The following ADAMTSL2 variants were observed in gnomAD, a reference collection of about 807,000 sequenced individuals.
The protein encoded by ADAMTSL2 is ADAMTS like 2, also known as ADAMTS-like protein 2.
A neutral mutation model predicts 117.0 loss-of-function variants in ADAMTSL2; 55 were observed. The ratio of observed to expected loss-of-function variants is 0.47; its 90% CI spans 0.38 to 0.59. The LOEUF (loss-of-function observed/expected upper bound fraction) is 0.59, where lower values mean the gene tolerates loss of function less well. Among genes scored for constraint, ADAMTSL2 ranks in the 20% least tolerant of loss-of-function variants. ADAMTSL2 has a pLI of 0.00. For missense variants in ADAMTSL2, 1,182 were observed against 1,354.5 expected, an observed-to-expected ratio of 0.87 and a Z score of 2.00; for synonymous variants, 572 against 566.4, an observed-to-expected ratio of 1.01 and a Z score of -0.14.
At chr9:133,544,213 T>A (rs1830294078) in intron 7 of ADAMTSL2, among the ~76,000 whole-genome samples, 1 of 152,072 alleles carries the variant, frequency 6.6e-6, no homozygotes, top group South Asian at 2.1e-4. Flanking sequence ...TCGCTGTCCC[T>A]CGGGAGGGGC....
chr9:133,569,825 GCCTGGGCCCCCAAGTC>G (rs1244279066), intron 16 of ADAMTSL2, among the ~76,000 whole-genome samples: 1 of 152,234 alleles, frequency 6.6e-6, no homozygotes, highest in East Asian at 1.9e-4. Flanking sequence ...ATTGCCCCCA[GCCTGGGCCCCCAAGTC>G]CCTGGGACGC....
intron 9 of ADAMTSL2, 82 bp downstream of exon 9, chr9:133,547,295 GC>G: frequency 7.1e-7 from 1 of 1,408,372 alleles, no homozygotes. Flanking sequence ...AGGTCTTCCA[GC>G]CCGTGACGCC....
At chr9:133,561,414 G>A in intron 12 of ADAMTSL2, 119 bp downstream of exon 12, 2 of 894,812 alleles carry the variant, frequency 2.2e-6, no homozygotes, top group Non-Finnish European at 3.6e-6. Context: ...CGGGGTGCTT[G>A]TCCGTGGCCT....
chr9:133,561,321 A>G (rs34271626), intron 12 of ADAMTSL2, 26 bp downstream of exon 12: 280,370 of 1,558,382 alleles, frequency 0.18, 27,260 homozygotes, highest in African/African-American at 0.27. Flanking sequence ...GCCAAGGGGC[A>G]GCAACTGCCC....
At chr9:133,547,320 T>TGC in intron 9 of ADAMTSL2, 107 bp downstream of exon 9, 1 of 1,156,348 alleles carries the variant, frequency 8.6e-7, no homozygotes, top group East Asian at 2.3e-5. Context: ...AGGGCCACTG[T>TGC]GCGCGTGCAC....
intron 16 of ADAMTSL2, among the ~76,000 whole-genome samples, chr9:133,569,825 G>A (rs1831062824): frequency 6.6e-6 from 1 of 152,234 alleles, no homozygotes; most frequent in South Asian, 2.1e-4. Context: ...ATTGCCCCCA[G>A]CCTGGGCCCC....
intron 17 of ADAMTSL2, among the ~76,000 whole-genome samples, chr9:133,572,842 T>C (rs1831142222): frequency 6.6e-6 from 1 of 151,998 alleles, no homozygotes; most frequent in Non-Finnish European, 1.5e-5. Flanking sequence ...AGCTGCCCAG[T>C]CCCATCCACT....
At chr9:133,551,446 T>TA (rs1057341947) in intron 9 of ADAMTSL2, among the ~76,000 whole-genome samples, 80 of 152,146 alleles carry the variant, frequency 5.3e-4, no homozygotes, top group African/African-American at 1.7e-3. Flanking sequence ...ACTTCCACCT[T>TA]ACAATGGATT....
At chr9:133,569,371 C>T in intron 15 of ADAMTSL2, 37 bp from the exon 16 acceptor site, 1 of 1,608,362 alleles carries the variant, frequency 6.2e-7, no homozygotes, top group South Asian at 1.1e-5. Flanking sequence ...GTGGCTGCCT[C>T]TCACTGGATG....
intron 12 of ADAMTSL2, 59 bp downstream of exon 12, chr9:133,561,354 G>C (rs1830723883): frequency 1.4e-6 from 2 of 1,480,686 alleles, no homozygotes; most frequent in Non-Finnish European, 1.8e-6. Context: ...CATGGACATG[G>C]GCTGGGGCTG....
chr9:133,541,636 C>A (rs11516157), intron 7 of ADAMTSL2, among the ~76,000 whole-genome samples: 2 of 152,128 alleles, frequency 1.3e-5, no homozygotes, highest in Non-Finnish European at 2.9e-5. Context: ...GACCCATTCT[C>A]TCCACGGATA....
intron 11 of ADAMTSL2, among the ~76,000 whole-genome samples, chr9:133,559,140 T>C (rs995423300): frequency 2.6e-5 from 4 of 152,228 alleles, no homozygotes; most frequent in Admixed American, 2.6e-4. Context: ...AATTTAAAGC[T>C]GTTGAAAGTA....
intron 9 of ADAMTSL2, among the ~76,000 whole-genome samples, chr9:133,549,905 C>T (rs1001132660): frequency 7.2e-5 from 11 of 152,342 alleles, no homozygotes; most frequent in South Asian, 6.2e-4. Context: ...AACACACAGT[C>T]CCCAAGTGGT....
chr9:133,553,561 C>T (rs1463529093), intron 9 of ADAMTSL2, among the ~76,000 whole-genome samples: 4 of 152,250 alleles, frequency 2.6e-5, no homozygotes, highest in African/African-American at 9.6e-5. Flanking sequence ...GGCATTCTCT[C>T]CCAGTTCCCT....
At chr9:133,568,914 C>T (rs1831040461) in intron 15 of ADAMTSL2, among the ~76,000 whole-genome samples, 156 bp downstream of exon 15, 2 of 152,154 alleles carry the variant, frequency 1.3e-5, no homozygotes, top group African/African-American at 4.8e-5. Context: ...GGAATCAAAA[C>T]TTCTCTCCAA....
In ADAMTSL2 at chr9:133,568,746, C is replaced by T. The variant is rs1026154461; in HGVS notation, c.2232C>T (p.Ser744=). 1.5e-5 allele frequency: 25 copies of T among 1,612,924 alleles called. No homozygotes were observed. Among genetic ancestry groups the T allele is most frequent in the South Asian group, 2.2e-5 (2 of 91,086 alleles). ...CCTGTGACCGGCAGTGGACCGTCTCCGACTGGGGACCGGTGAGGCCTGCAC... is the reference window on the plus strand; with the variant it reads ...CCTGTGACCGGCAGTGGACCGTCTCTGACTGGGGACCGGTGAGGCCTGCAC... ...GPPCDRQWTV[S]DWGPCSGSCG... is the part of the protein sequence containing the mutation. The change falls in exon 15 of 19, where the codon TCC becomes TCT. Residue 744 remains serine (S), a synonymous_variant. Transcript: ENST00000651351.
In ADAMTSL2 at chr9:133,546,968, C is replaced by G. The variant is rs907928300; in HGVS notation, c.764-70C>G. 13 of 1,520,622 alleles carry G rather than the reference C, an allele frequency of 8.5e-6. No homozygotes were observed. The African/African-American group carries it at 1.5e-4, about 18-fold the overall frequency. The allele number at this position is 1,520,622 out of a possible 1,614,324, so 94.2% of individuals were successfully genotyped here. The stretch of plus-strand genomic sequence containing the variant: ...GGAGGGCAGGGCTGGTGGTGGTTCC[C>G]TGAGTTGGTGACACTGGCTCCTCCC... On this transcript the variant is annotated intron_variant, in intron 8 of 18. Transcript: ENST00000651351.
In ADAMTSL2 at chr9:133,568,337, G is replaced by A. The variant is rs368824783; in HGVS notation, c.1939G>A (p.Val647Met). The A allele has an allele frequency of 8.3e-5, 131 of 1,587,686 alleles. 3 individuals are homozygous for A. In the South Asian group the frequency reaches 1.2e-3, roughly 15 times the overall value. The change falls in exon 14 of 19, where the codon GTG (valine) becomes ATG (methionine). Residue 647 changes from valine (V) to methionine (M), a missense_variant. Physicochemically the swap from Val to Met is conservative, Grantham distance 21. Transcript: ENST00000651351. ...CGGAGAGGGCTACCAGTTCCGCGTCGTGCGCTGCTGGAAGATGCTCTCGCC... is the reference window on the plus strand; with the variant it reads ...CGGAGAGGGCTACCAGTTCCGCGTCATGCGCTGCTGGAAGATGCTCTCGCC... ...TCGEGYQFRVVRCWKMLSPGF... is the reference protein window; with the variant it reads ...TCGEGYQFRVMRCWKMLSPGF...
At chr9:133,573,625 G>A (rs1218076789) in intron 17 of ADAMTSL2, among the ~76,000 whole-genome samples, 2 of 152,204 alleles carry the variant, frequency 1.3e-5, no homozygotes, top group Non-Finnish European at 2.9e-5. Flanking sequence ...AGAGCCTCCC[G>A]AATGCCAGCC....
Sources: allele counts gnomAD v4.1 joint callset (sites outside exome capture counted in the v4.1 genomes callset), GRCh38; gene constraint gnomAD v4.1.1; transcripts MANE v1.5; gene names NCBI Gene and HGNC (gene_info 2026-07-23, HGNC 2026-07-21).